Variants in KIF26B observed in about 807,000 individuals in gnomAD.
The protein encoded by KIF26B is kinesin-like protein KIF26B.
KIF26B carries 63 observed loss-of-function variants against 151.2 expected under a neutral mutation model. The ratio of observed to expected loss-of-function variants is 0.42; its 90% confidence interval spans 0.34 to 0.51. The LOEUF (loss-of-function observed/expected upper bound fraction) is 0.51, where lower values mean the gene tolerates loss of function less well. Among genes scored for constraint, KIF26B ranks in the 20% least tolerant of loss-of-function variants. The pLI is 0.07. For missense variants in KIF26B, 2,813 were observed against 2,913.6 expected, an observed-to-expected ratio of 0.97 and a Z score of 0.79; for synonymous variants, 1,357 against 1,262.1, an observed-to-expected ratio of 1.08 and a Z score of -1.59.
chr1:245,600,332 C>T (rs2043383138), intron 5 of KIF26B, among the ~76,000 whole-genome samples: 2 of 147,734 alleles, frequency 1.4e-5, no homozygotes, highest in South Asian at 4.5e-4. Context: ...GCCACCACGC[C>T]TGGCCGTTTT....
intron 4 of KIF26B, among the ~76,000 whole-genome samples, chr1:245,427,532 C>T (rs1343059347): frequency 3.9e-5 from 6 of 152,122 alleles, no homozygotes; most frequent in East Asian, 1.9e-4. Flanking sequence ...CACTTGAACC[C>T]GGGAGGTGGA....
intron 4 of KIF26B, among the ~76,000 whole-genome samples, chr1:245,427,855 C>T (rs544137795): frequency 1.3e-5 from 2 of 152,238 alleles, no homozygotes; most frequent in East Asian, 3.9e-4. Context: ...CCCATGGAAG[C>T]AGGGCTACCA....
At chr1:245,697,343 G>A (rs937274482) in intron 12 of KIF26B, among the ~76,000 whole-genome samples, 3 of 152,194 alleles carry the variant, frequency 2.0e-5, no homozygotes, top group Non-Finnish European at 4.4e-5. Flanking sequence ...GAAAGAAAGA[G>A]GATAGATACT....
At chr1:245,326,080 C>T (rs1417145404) in intron 2 of KIF26B, among the ~76,000 whole-genome samples, 2 of 152,294 alleles carry the variant, frequency 1.3e-5, no homozygotes, top group Middle Eastern at 6.8e-3. Flanking sequence ...AATCATGTCA[C>T]AGTCAAGATG....
In KIF26B at chr1:245,375,867, G is replaced by C. The variant is rs4658760; in HGVS notation, c.999+8500G>C. On this transcript the variant is annotated intron_variant, in intron 3 of 14. Coordinates refer to ENST00000407071, the MANE Select transcript of KIF26B (RefSeq NM_018012.4). The surrounding 1 kb of genome is among the most constrained non-coding windows in gnomAD (Gnocchi z 4.2). ...AACCCCGTTACCCTGCGGATCGGCC[G>C]GTCCATGCACAAGTCAGATTCTTTC... Among the ~76,000 whole-genome samples, 1 of 152,026 alleles carries C rather than the reference G, an allele frequency of 6.6e-6. No individual in the cohort carries two copies.
intron 3 of KIF26B, among the ~76,000 whole-genome samples, chr1:245,393,735 T>C (rs1333148631): frequency 6.6e-6 from 1 of 152,242 alleles, no homozygotes; most frequent in African/African-American, 2.4e-5. Flanking sequence ...TGCCAGGTTT[T>C]GGGAGCTAAG....
chr1:245,291,916 G>T (rs779347096), intron 2 of KIF26B, among the ~76,000 whole-genome samples: 17 of 152,164 alleles, frequency 1.1e-4, no homozygotes, highest in Non-Finnish European at 2.1e-4. Context: ...TTCAGCTCAG[G>T]GGTGAGGGAT....
At chr1:245,466,079 C>T (rs1264779411) in intron 4 of KIF26B, among the ~76,000 whole-genome samples, 2 of 152,222 alleles carry the variant, frequency 1.3e-5, no homozygotes, top group African/African-American at 4.8e-5. Context: ...CAGAAAAATG[C>T]CCAAACACAC....
chr1:245,196,851 A>G (rs1043825421), intron 2 of KIF26B, among the ~76,000 whole-genome samples: 1 of 152,144 alleles, frequency 6.6e-6, no homozygotes, highest in African/African-American at 2.4e-5. Context: ...CCACGGTCCT[A>G]TTACCCCTAT....
At chr1:245,265,903 C>T (rs1009088931) in intron 2 of KIF26B, among the ~76,000 whole-genome samples, 2 of 151,940 alleles carry the variant, frequency 1.3e-5, no homozygotes, top group African/African-American at 2.4e-5. Context: ...CCACCCTGCC[C>T]GACCCAAGAA....
chr1:245,689,345 G>A (rs2044591155), intron 12 of KIF26B, among the ~76,000 whole-genome samples: 1 of 152,128 alleles, frequency 6.6e-6, no homozygotes, highest in South Asian at 2.1e-4. Flanking sequence ...TGTGAGGTTG[G>A]TGGCCTGCAA....
intron 4 of KIF26B, among the ~76,000 whole-genome samples, chr1:245,476,742 G>T (rs1660050617): frequency 1.3e-5 from 2 of 150,720 alleles, no homozygotes; most frequent in Non-Finnish European, 3.0e-5. Flanking sequence ...GCCCAGGCTG[G>T]TCTGAACTCT....
chr1:245,387,825 T>C (rs996239523), intron 3 of KIF26B, among the ~76,000 whole-genome samples: 3 of 151,950 alleles, frequency 2.0e-5, no homozygotes, highest in Admixed American at 1.3e-4. Context: ...CTCATGGAGT[T>C]TGGGGAGAAT....
In KIF26B at chr1:245,464,555, T is replaced by C. The variant is rs560852792; in HGVS notation, c.1166+44810T>C. On this transcript the variant is annotated intron_variant, in intron 4 of 14. Coordinates refer to ENST00000407071, the MANE Select transcript of KIF26B (RefSeq NM_018012.4). Reference sequence around the variant, plus strand: ...TGTGTGTGGGTGTGCGTGGGTGTGTTCCTGTGTGGGTGTGTGGGTGTGTGT... The same window carrying C: ...TGTGTGTGGGTGTGCGTGGGTGTGTCCCTGTGTGGGTGTGTGGGTGTGTGT... Among the ~76,000 whole-genome samples the C allele has an allele frequency of 4.7e-3, 614 of 131,328 alleles. 5 individuals are homozygous for C. The highest frequency in any genetic ancestry group is 0.017 in the African/African-American group (583 of 34,226). 86.2% of individuals were successfully genotyped at this position (131,328 alleles called of 152,430 possible).
chr1:245,334,236 C>T (rs990758889), intron 2 of KIF26B, among the ~76,000 whole-genome samples: 1 of 152,166 alleles, frequency 6.6e-6, no homozygotes, highest in Non-Finnish European at 1.5e-5. Flanking sequence ...TTAAAATCTA[C>T]ACTGACATGT....
chr1:245,527,685 A>C lies in KIF26B; in HGVS notation c.1167-13082A>C, dbSNP rs371559048. On this transcript the variant is annotated intron_variant, in intron 4 of 14. Transcript: ENST00000407071. ...AGTAGCTGGGACTACAGGCGCCTGC[A>C]ACCACGCCCGGCTAATTTTTTGTAT... Among the ~76,000 whole-genome samples the C allele has an allele frequency of 5.7e-3, 854 of 150,384 alleles. 6 individuals carry two copies. The highest frequency in any genetic ancestry group is 0.02 in the African/African-American group (797 of 40,332).
At position 245,698,603 on chromosome 1, in the gene KIF26B, C is replaced by A. The variant is rs1235503236; in HGVS notation, c.6028-284C>A. Reference sequence around the variant, plus strand: ...CCTTGAGGCTCCCAGTCTTAACCAACCTTTGTCCAACTTGAACACCCACCA... The same window carrying A: ...CCTTGAGGCTCCCAGTCTTAACCAAACTTTGTCCAACTTGAACACCCACCA... On this transcript the variant is annotated intron_variant, in intron 13 of 14. Coordinates refer to ENST00000407071, the MANE Select transcript of KIF26B (RefSeq NM_018012.4). This position sits in a 1 kb window ranked among gnomAD's most constrained non-coding sequence, Gnocchi z 4.0. Among the ~76,000 whole-genome samples, 1 of 152,188 alleles carries A rather than the reference C, an allele frequency of 6.6e-6. No homozygotes were observed. Among genetic ancestry groups the A allele is most frequent in the Non-Finnish European group, 1.5e-5 (1 of 68,028 alleles).
At chr1:245,325,500 G>A (rs1671972180) in intron 2 of KIF26B, among the ~76,000 whole-genome samples, 1 of 152,204 alleles carries the variant, frequency 6.6e-6, no homozygotes, top group African/African-American at 2.4e-5. Flanking sequence ...GATCACCTGA[G>A]GTCTGAGTTC....
chr1:245,354,503 A>T (rs1044172238), intron 2 of KIF26B, among the ~76,000 whole-genome samples: 1 of 152,294 alleles, frequency 6.6e-6, no homozygotes, highest in African/African-American at 2.4e-5. Context: ...AGCTGGTGAC[A>T]CTGTCAGCGG....
Sources: allele counts gnomAD v4.1 joint callset (sites outside exome capture counted in the v4.1 genomes callset), GRCh38; gene constraint gnomAD v4.1.1; non-coding constraint Gnocchi (gnomAD v3.1); transcripts MANE v1.5; gene names NCBI Gene and HGNC (gene_info 2026-07-23, HGNC 2026-07-21).